COMTD1: variants seen among roughly 807,000 people sequenced by gnomAD.
COMTD1 encodes catechol O-methyltransferase domain-containing protein 1.
COMTD1 carries 35 observed loss-of-function variants against 33.6 expected under a neutral mutation model. The observed-to-expected ratio is 1.04, with a 90% CI of 0.80 to 1.38. The LOEUF is 1.38. COMTD1 is among the 40% of genes most tolerant of loss of function. COMTD1 has a pLI of 0.00. For missense variants in COMTD1, 370 were observed against 363.4 expected (o/e 1.02, Z -0.15); for synonymous variants, 160 against 176.8 (o/e 0.91, Z 0.75).
Position 75,235,151 on chromosome 10 carries a change from G to A in COMTD1, c.356C>T (p.Ala119Val), listed in dbSNP as rs778278793. ...GTCCGCGGGCAGCGCCAGGGCCAGG[G>A]CCAGGGCGGAGTAGCCCGTGAAGGT... ...LGTFTGYSAL[A>V]LALALPADGR... is the part of the protein sequence containing the mutation. The change falls in exon 4 of 7, where the codon GCC (alanine) becomes GTC (valine). Residue 119 changes from alanine to valine, a missense_variant. Transcript: ENST00000372538. 16 of 1,406,588 alleles carry A rather than the reference G, an allele frequency of 1.1e-5. No homozygotes were observed. Among genetic ancestry groups the A allele is most frequent in the Non-Finnish European group, 1.5e-5 (16 of 1,087,572 alleles). 87.1% of individuals were successfully genotyped at this position (1,406,588 alleles called of 1,614,324 possible).
chr10:75,235,501 G>C (rs1442788150), intron 2 of COMTD1, 115 bp downstream of exon 2: 16 of 1,384,628 alleles, frequency 1.2e-5, no homozygotes, highest in Non-Finnish European at 1.5e-5. Context: ...CACCGCACCC[G>C]GCCCAGGGAA....
In COMTD1 at chr10:75,234,996, C is replaced by T. The variant is rs758305253; in HGVS notation, c.448-4G>A. On this transcript the variant is annotated splice_region_variant and splice_polypyrimidine_tract_variant and intron_variant, in intron 4 of 6. Coordinates refer to ENST00000372538, the MANE Select transcript of COMTD1 (RefSeq NM_144589.4). Reference sequence around the variant, plus strand: ...CGATCTTGTGCTCCGCCTCGGCCTGCGGAGGGAGCGGGTCAGCCGTTGCGC... The same window carrying T: ...CGATCTTGTGCTCCGCCTCGGCCTGTGGAGGGAGCGGGTCAGCCGTTGCGC... The T allele has an allele frequency of 3.3e-6, 5 of 1,510,014 alleles. No individual in the cohort carries two copies. In the South Asian group the frequency reaches 6.3e-5, roughly 19 times the overall value. 93.5% of individuals were successfully genotyped at this position (1,510,014 alleles called of 1,614,324 possible).
At position 75,235,297 on chromosome 10, in the gene COMTD1, G is replaced by A. The variant is rs1265576602; in HGVS notation, c.298C>T (p.Leu100Phe). 3 of 1,589,622 alleles carry A rather than the reference G, an allele frequency of 1.9e-6. No individual in the cohort carries two copies. The South Asian group carries it at 3.4e-5, about 18-fold the overall frequency. Residue 100 changes from leucine (L) to phenylalanine (F), a missense_variant, in exon 3 of 7, where the codon CTC becomes TTC. By Grantham distance (22) the Leu-to-Phe change is conservative. Coordinates refer to ENST00000372538, the MANE Select transcript of COMTD1 (RefSeq NM_144589.4). ...TCCAGCGCCTTCTTGGCCTGGATGA[G>A]CCGCGCCAGGTTGGCCAAGAGCTGG... Reference protein sequence around the residue: ...QAQLLANLARLIQAKKALDLG... With the variant: ...QAQLLANLARFIQAKKALDLG...
chr10:75,233,973 G>A lies in COMTD1; in HGVS notation c.*100C>T, dbSNP rs775100911. ...GCCACACACGGAGGCTCAGGAGGTC[G>A]TGTGTCCCAGCCCCACTTTATTTTC... On this transcript the variant is annotated 3_prime_UTR_variant, in exon 7 of 7. Coordinates refer to ENST00000372538, the MANE Select transcript of COMTD1 (RefSeq NM_144589.4). 6.3e-7 allele frequency: 1 copy of A among 1,596,448 alleles called. No individual in the cohort carries two copies. The highest frequency in any genetic ancestry group is 1.1e-5 in the South Asian group (1 of 89,760).
In COMTD1 at chr10:75,233,970, G is replaced by T. The variant is rs1033148481; in HGVS notation, c.*103C>A. 13 of 1,594,778 alleles carry T rather than the reference G, an allele frequency of 8.2e-6. No individual in the cohort carries two copies. The highest frequency in any genetic ancestry group is 1.1e-5 in the Non-Finnish European group (13 of 1,174,480). On this transcript the variant is annotated 3_prime_UTR_variant, in exon 7 of 7. Transcript: ENST00000372538. ...AGCGCCACACACGGAGGCTCAGGAG[G>T]TCGTGTGTCCCAGCCCCACTTTATT... is the stretch of plus-strand genomic sequence containing the variant.
chr10:75,235,447 C>A (rs1842177389), intron 2 of COMTD1, 75 bp from the exon 3 acceptor site: 14 of 1,356,250 alleles, frequency 1.0e-5, no homozygotes, highest in Admixed American at 2.6e-5. Flanking sequence ...GCCCCAGGGG[C>A]GCGGTTCTGG....
Position 75,235,252 on chromosome 10 carries a change from G to A in COMTD1, c.328+15C>T. The A allele has an allele frequency of 1.3e-6, 2 of 1,509,384 alleles. No homozygotes were observed. The highest frequency in any genetic ancestry group is 1.8e-6 in the Non-Finnish European group (2 of 1,130,902). 93.5% of individuals were successfully genotyped at this position (1,509,384 alleles called of 1,614,324 possible). A position where few individuals can be genotyped will look rare whatever the true frequency, so the allele number is the denominator to read the frequency against. On this transcript the variant is annotated intron_variant, in intron 3 of 6. Transcript: ENST00000372538. ...GAAACCTCGGCCCTCCGGGATCCCGGCCGCGTGCCCCTACCCAGGTCCAGC... is the reference window on the plus strand; with the variant it reads ...GAAACCTCGGCCCTCCGGGATCCCGACCGCGTGCCCCTACCCAGGTCCAGC...
rs201206537 is a variant in COMTD1, at chr10:75,234,142, C to A, written c.720G>T (p.Arg240=). The change falls in exon 7 of 7, where the codon CGG becomes CGT. Residue 240 remains arginine (R), a synonymous_variant. Coordinates refer to ENST00000372538, the MANE Select transcript of COMTD1 (RefSeq NM_144589.4). ...GGCTGATGTAGACCCTGACGTCCCGCCGGATGCGTTCGTTTAGGTTTCGCA... is the reference window on the plus strand; with the variant it reads ...GGCTGATGTAGACCCTGACGTCCCGACGGATGCGTTCGTTTAGGTTTCGCA... The part of the protein sequence containing the change: ...ECVRNLNERI[R]RDVRVYISLL... 2.0e-5 allele frequency: 32 copies of A among 1,613,840 alleles called. 1 individual carries two copies. In the Middle Eastern group the frequency reaches 4.9e-4, roughly 25 times the overall value.
At chr10:75,234,398 G>T in intron 6 of COMTD1, 173 bp from the exon 7 acceptor site, 3 of 1,010,976 alleles carry the variant, frequency 3.0e-6, no homozygotes, top group Non-Finnish European at 4.2e-6. Context: ...GGGAGGCGGG[G>T]CCTCGGAGGG....
At chr10:75,235,406 A>C (rs930847987) in intron 2 of COMTD1, 34 bp from the exon 3 acceptor site, 1 of 1,468,102 alleles carries the variant, frequency 6.8e-7, no homozygotes. Flanking sequence ...CCAGCCATGC[A>C]GGTCACCCAC....
chr10:75,234,458 G>C (rs1842157928), intron 6 of COMTD1, 152 bp downstream of exon 6: 1 of 1,265,700 alleles, frequency 7.9e-7, no homozygotes, highest in Non-Finnish European at 1.1e-6. Flanking sequence ...CCAAAGCGGA[G>C]GAAAGCCTGG....
Position 75,235,931 on chromosome 10 carries a change from C to G in COMTD1, c.-3G>C. On this transcript the variant is annotated 5_prime_UTR_variant, in exon 1 of 7. Coordinates refer to ENST00000372538, the MANE Select transcript of COMTD1 (RefSeq NM_144589.4). ...AGCCGGGGCACCGGCTGGGTCATGG[C>G]GCGGGCAGGAGGCGGCGGGAGGCAG... 5.5e-6 allele frequency: 8 copies of G among 1,451,424 alleles called. No homozygotes were observed. Among genetic ancestry groups the G allele is most frequent in the Non-Finnish European group, 7.2e-6 (8 of 1,110,948 alleles). 89.9% of individuals were successfully genotyped at this position (1,451,424 alleles called of 1,614,324 possible). A position where few individuals can be genotyped will look rare whatever the true frequency, so the allele number is the denominator to read the frequency against.
In COMTD1 at chr10:75,235,877, A is replaced by C; in HGVS notation, c.52T>G (p.Ser18Ala). The C allele has an allele frequency of 6.7e-7, 1 of 1,502,392 alleles. No homozygotes were observed. Among genetic ancestry groups the C allele is most frequent in the Non-Finnish European group, 8.8e-7 (1 of 1,131,262 alleles). The allele number at this position is 1,502,392 out of a possible 1,614,324, so 93.1% of individuals were successfully genotyped here. A position where few individuals can be genotyped will look rare whatever the true frequency, so the allele number is the denominator to read the frequency against. ...GCGAAGGCGGCGCCCAGTGCGGCTG[A>C]GCCCAGGGCCAGCGCGGCGGGCACG... Reference protein sequence around the residue: ...LSVPAALALGSAALGAAFATG... With the variant: ...LSVPAALALGAAALGAAFATG... Residue 18 changes from serine (S) to alanine (A), a missense_variant, in exon 1 of 7, where the codon TCA (serine) becomes GCA (alanine). Physicochemically the swap from Ser to Ala is moderately conservative, Grantham distance 99. Transcript: ENST00000372538.
rs373959256 is a variant in COMTD1, at chr10:75,234,384, G to GGGCGGGA, written c.637-166_637-160dup. 2.2e-3 allele frequency: 2,246 copies of GGGCGGGA among 1,012,558 alleles called. 35 individuals carry two copies. In the African/African-American group the frequency reaches 0.032, roughly 14 times the overall value. The allele number at this position is 1,012,558 out of a possible 1,614,324, so 62.7% of individuals were successfully genotyped here. On this transcript the variant is annotated intron_variant, in intron 6 of 6. Transcript: ENST00000372538. The stretch of plus-strand genomic sequence containing the variant: ...GGCGGGGTCTCGGAGGGAGGTGTCT[G>GGGCGGGA]GGCGGGAGGCGGGGCCTCGGAGGGA...
chr10:75,235,929 G>T lies in COMTD1; in HGVS notation c.-1C>A. On this transcript the variant is annotated 5_prime_UTR_variant, in exon 1 of 7. Transcript: ENST00000372538. ...AGAGCCGGGGCACCGGCTGGGTCAT[G>T]GCGCGGGCAGGAGGCGGCGGGAGGC... 1 of 1,452,356 alleles carries T rather than the reference G, an allele frequency of 6.9e-7. No individual in the cohort carries two copies. The highest frequency in any genetic ancestry group is 1.4e-5 in the South Asian group (1 of 72,160). The allele number at this position is 1,452,356 out of a possible 1,614,324, so 90.0% of individuals were successfully genotyped here. A position where few individuals can be genotyped will look rare whatever the true frequency, so the allele number is the denominator to read the frequency against.
In COMTD1 at chr10:75,233,910, C is replaced by T; in HGVS notation, c.*163G>A. 1 of 1,473,708 alleles carries T rather than the reference C, an allele frequency of 6.8e-7. No homozygotes were observed. Among genetic ancestry groups the T allele is most frequent in the East Asian group, 2.5e-5 (1 of 40,816 alleles). 91.3% of individuals were successfully genotyped at this position (1,473,708 alleles called of 1,614,324 possible). A position where few individuals can be genotyped will look rare whatever the true frequency, so the allele number is the denominator to read the frequency against. On this transcript the variant is annotated 3_prime_UTR_variant, in exon 7 of 7. Transcript: ENST00000372538. Reference sequence around the variant, plus strand: ...AGGCCCCTTTCACTGAAGGCAGGAGCTGTCTGTGCTGGGCCTTCCCTCCCT... The same window carrying T: ...AGGCCCCTTTCACTGAAGGCAGGAGTTGTCTGTGCTGGGCCTTCCCTCCCT...
chr10:75,235,949 G>A lies in COMTD1; in HGVS notation c.-21C>T. On this transcript the variant is annotated 5_prime_UTR_variant, in exon 1 of 7. Coordinates refer to ENST00000372538, the MANE Select transcript of COMTD1 (RefSeq NM_144589.4). Reference sequence around the variant, plus strand: ...GTCATGGCGCGGGCAGGAGGCGGCGGGAGGCAGTGACAGGTCACGTGAGCT... The same window carrying A: ...GTCATGGCGCGGGCAGGAGGCGGCGAGAGGCAGTGACAGGTCACGTGAGCT... The A allele has an allele frequency of 1.4e-6, 2 of 1,432,904 alleles. No individual in the cohort carries two copies. The highest frequency in any genetic ancestry group is 1.8e-6 in the Non-Finnish European group (2 of 1,102,660). 88.8% of individuals were successfully genotyped at this position (1,432,904 alleles called of 1,614,324 possible).
At chr10:75,235,224 C>T in intron 3 of COMTD1, 43 bp downstream of exon 3, 2 of 1,471,062 alleles carry the variant, frequency 1.4e-6, no homozygotes, top group Non-Finnish European at 1.8e-6. Flanking sequence ...GGGGGTCGGC[C>T]CGGAAACCTC....
intron 2 of COMTD1, 36 bp downstream of exon 2, chr10:75,235,580 A>C (rs1333862653): frequency 6.4e-7 from 1 of 1,554,186 alleles, no homozygotes; most frequent in East Asian, 2.3e-5. Context: ...GCAGGGGTCG[A>C]GAGGGACGCC....
Sources: allele counts gnomAD v4.1 joint callset, GRCh38; gene constraint gnomAD v4.1.1; transcripts MANE v1.5; gene names NCBI Gene and HGNC (gene_info 2026-07-23, HGNC 2026-07-21).